The following CSDE1 variants were observed in gnomAD, a reference collection of about 807,000 sequenced individuals.
CSDE1 encodes the protein cold shock domain containing E1.
CSDE1 carries 17 observed loss-of-function variants against 89.3 expected under a neutral mutation model. The observed-to-expected ratio is 0.19, with a 90% CI of 0.13 to 0.29. CSDE1 has a LOEUF of 0.29. CSDE1 is among the 10% of genes least tolerant of loss of function. The pLI is 1.00. For synonymous variants in CSDE1, 322 were observed against 332.8 expected, an observed-to-expected ratio of 0.97 and a Z score of 0.35; for missense variants, 672 against 984.2, an observed-to-expected ratio of 0.68 and a Z score of 4.24.
rs760573867 is a variant in CSDE1, at chr1:114,732,598, A to G, written c.1050+6T>C. The stretch of plus-strand genomic sequence containing the variant: ...AGATACATATCCAGTAATATCCAAC[A>G]CTTACCATTTCTCGGGCTTCATTAG... On this transcript the variant is annotated splice_donor_region_variant and intron_variant, in intron 10 of 19. Coordinates refer to ENST00000358528, the MANE Select transcript of CSDE1 (RefSeq NM_001007553.3). 1.2e-6 allele frequency: 2 copies of G among 1,612,668 alleles called. No homozygotes were observed. Among genetic ancestry groups the G allele is most frequent in the Non-Finnish European group, 1.7e-6 (2 of 1,178,674 alleles).
At chr1:114,725,415 G>A in intron 14 of CSDE1, 82 bp from the exon 15 acceptor site, 1 of 1,032,470 alleles carries the variant, frequency 9.7e-7, no homozygotes, top group East Asian at 2.4e-5. Flanking sequence ...TACAGTAACA[G>A]TCATGGCATG....
chr1:114,736,766 G>C lies in CSDE1; in HGVS notation c.492C>G (p.Asn164Lys), dbSNP rs754054533. 6.2e-7 allele frequency: 1 copy of C among 1,603,910 alleles called. No individual in the cohort carries two copies. The highest frequency in any genetic ancestry group is 1.3e-5 in the African/African-American group (1 of 74,624). The part of the protein sequence containing the change: ...TGDKINFVID[N>K]NKHTGAVSAR... ...AAAAAAAAAGAACTTACTGTTTATT[G>C]TTATCAATTACAAAGTTTATTTTAT... The change falls in exon 6 of 20, where the codon AAC becomes AAG. Residue 164 changes from asparagine to lysine, a missense_variant. Physicochemically the swap from Asn to Lys is moderately conservative, Grantham distance 94. This residue lies in a region of CSDE1 where 124 missense variants were observed against 138.7 expected (regional missense o/e 0.89). Coordinates refer to ENST00000358528, the MANE Select transcript of CSDE1 (RefSeq NM_001007553.3).
intron 2 of CSDE1, among the ~76,000 whole-genome samples, 197 bp downstream of exon 2, chr1:114,749,624 T>C (rs768585595): frequency 2.0e-5 from 3 of 152,224 alleles, no homozygotes; most frequent in Non-Finnish European, 4.4e-5. Flanking sequence ...TAATATAATC[T>C]GGTATGAAAA....
At chr1:114,732,534 G>A in intron 10 of CSDE1, 70 bp downstream of exon 10, 3 of 1,424,360 alleles carry the variant, frequency 2.1e-6, no homozygotes, top group Non-Finnish European at 2.9e-6. Flanking sequence ...TTTTAATTTA[G>A]TAGTATAAAC....
intron 1 of CSDE1, among the ~76,000 whole-genome samples, chr1:114,753,279 A>G (rs1189643145): frequency 6.6e-6 from 1 of 151,226 alleles, no homozygotes; most frequent in Non-Finnish European, 1.5e-5. Flanking sequence ...AAAAAAAGAG[A>G]TTTCTGGAAC....
chr1:114,757,115 A>G (rs184307062), intron 1 of CSDE1, among the ~76,000 whole-genome samples: 104 of 152,274 alleles, frequency 6.8e-4, no homozygotes, highest in African/African-American at 2.5e-3. Context: ...ATTCCCCAAG[A>G]TAGAGGGGTG....
At chr1:114,738,453 T>C (rs565886074) in intron 3 of CSDE1, among the ~76,000 whole-genome samples, 1 of 152,250 alleles carries the variant, frequency 6.6e-6, no homozygotes, top group South Asian at 2.1e-4. Flanking sequence ...CGAGTTTTTT[T>C]TTTAAACTCC....
intron 1 of CSDE1, among the ~76,000 whole-genome samples, chr1:114,753,834 T>C (rs530150682): frequency 2.4e-4 from 36 of 152,180 alleles, no homozygotes; most frequent in African/African-American, 8.4e-4. Flanking sequence ...GAGGATCACT[T>C]GAATCCAGGA....
chr1:114,755,600 T>G (rs1409758772), intron 1 of CSDE1, among the ~76,000 whole-genome samples: 2 of 152,212 alleles, frequency 1.3e-5, no homozygotes, highest in African/African-American at 2.4e-5. Context: ...AAATCCTGAC[T>G]GGGCAGAAGG....
intron 15 of CSDE1, 59 bp from the exon 16 acceptor site, chr1:114,724,061 A>G: frequency 6.4e-7 from 1 of 1,550,844 alleles, no homozygotes; most frequent in South Asian, 1.2e-5. Context: ...ACATAGAAAG[A>G]CAAGTAAGCA....
At chr1:114,750,264 T>C (rs772802084) in intron 1 of CSDE1, 57 bp from the exon 2 acceptor site, 1 of 152,176 alleles carries the variant, frequency 6.6e-6, no homozygotes, top group Non-Finnish European at 1.5e-5. Context: ...TCAGGGACAG[T>C]GGGTGAGAAG....
At chr1:114,722,435 G>A (rs376926857) in intron 16 of CSDE1, among the ~76,000 whole-genome samples, 6 of 152,280 alleles carry the variant, frequency 3.9e-5, no homozygotes, top group South Asian at 4.1e-4. Flanking sequence ...ATGCTAGAAC[G>A]GTGTCCAGAT....
At position 114,718,533 on chromosome 1, in the gene CSDE1, T is replaced by C. The variant is rs1659330155; in HGVS notation, c.2349+80A>G. The C allele has an allele frequency of 3.3e-6, 5 of 1,528,698 alleles. No individual in the cohort carries two copies. The South Asian group carries it at 3.8e-5, about 12-fold the overall frequency. 94.7% of individuals were successfully genotyped at this position (1,528,698 alleles called of 1,614,324 possible). A position where few individuals can be genotyped will look rare whatever the true frequency, so the allele number is the denominator to read the frequency against. ...AGTCTCCCTGCTTCATTAAGTTTCC[T>C]GACCTATTGTTTAAATAGGACCACA... is the stretch of plus-strand genomic sequence containing the variant. On this transcript the variant is annotated intron_variant, in intron 19 of 19. Transcript: ENST00000358528.
Position 114,739,677 on chromosome 1 carries a change from G to T in CSDE1, c.199+15C>A. Reference sequence around the variant, plus strand: ...TTTGTGATTACATTTTTACAAAGGAGAACTGACAGATTACCTCCTACTTTT... The same window carrying T: ...TTTGTGATTACATTTTTACAAAGGATAACTGACAGATTACCTCCTACTTTT... On this transcript the variant is annotated intron_variant, in intron 3 of 19. Transcript: ENST00000358528. 2 of 1,590,062 alleles carry T rather than the reference G, an allele frequency of 1.3e-6. No individual in the cohort carries two copies. The highest frequency in any genetic ancestry group is 1.1e-5 in the South Asian group (1 of 90,446).
chr1:114,741,449 A>G (rs1660722775), intron 2 of CSDE1: 1 of 1,327,354 alleles, frequency 7.5e-7, no homozygotes. Context: ...AGATATTTCA[A>G]CCAGAATGAG....
intron 3 of CSDE1, among the ~76,000 whole-genome samples, chr1:114,738,587 A>G (rs1660535334): frequency 1.3e-5 from 2 of 151,676 alleles, no homozygotes; most frequent in Admixed American, 6.6e-5. Context: ...CTCTTTTCTC[A>G]AACGTTTTTT....
chr1:114,737,931 C>T (rs375327826), intron 4 of CSDE1, 32 bp downstream of exon 4: 7 of 1,469,266 alleles, frequency 4.8e-6, no homozygotes, highest in Non-Finnish European at 5.7e-6. Flanking sequence ...ATGCAGGGCC[C>T]TAAAAAAACA....
At chr1:114,724,979 T>C (rs996948482) in intron 15 of CSDE1, among the ~76,000 whole-genome samples, 1 of 152,202 alleles carries the variant, frequency 6.6e-6, no homozygotes, top group Non-Finnish European at 1.5e-5. Context: ...CAAACTTCAG[T>C]GTATACCAGA....
At chr1:114,736,995 T>C (rs1660440375) in intron 5 of CSDE1, 140 bp from the exon 6 acceptor site, 1 of 616,216 alleles carries the variant, frequency 1.6e-6, no homozygotes. Flanking sequence ...CAAGTCACTT[T>C]ATTCATATAA....
Sources: allele counts gnomAD v4.1 joint callset (sites outside exome capture counted in the v4.1 genomes callset), GRCh38; gene constraint gnomAD v4.1.1; regional missense constraint gnomAD v4.1.1; transcripts MANE v1.5; gene names NCBI Gene and HGNC (gene_info 2026-07-23, HGNC 2026-07-21).